MACF1: variants seen among roughly 807,000 people sequenced by gnomAD.
MACF1 encodes the protein microtubule-actin cross-linking factor 1.
Under a neutral mutation model 854.8 loss-of-function variants are expected in MACF1, and 193 were observed. That is an observed-to-expected ratio of 0.23 (90% confidence interval 0.20 to 0.25). The LOEUF (loss-of-function observed/expected upper bound fraction) is 0.25. Among genes scored for constraint, MACF1 ranks in the 10% least tolerant of loss-of-function variants. MACF1 has a pLI of 1.00. For missense variants in MACF1, 7,722 were observed against 8,929.1 expected, an observed-to-expected ratio of 0.86 and a Z score of 5.45; for synonymous variants, 3,185 against 3,226.7, an observed-to-expected ratio of 0.99 and a Z score of 0.44.
rs942774706 is a variant in MACF1 at position 39,385,355 on chromosome 1, A to T, written c.13849-79A>T. 8.7e-6 allele frequency: 13 copies of T among 1,490,272 alleles called. No homozygotes were observed. In the South Asian group the frequency reaches 1.5e-4, roughly 18 times the overall value. 92.3% of individuals were successfully genotyped at this position (1,490,272 alleles called of 1,614,324 possible). On this transcript the variant is annotated intron_variant, in intron 56 of 100. Transcript: ENST00000564288. ...AGTGCTGCGATTACAGGCATGAGCC[A>T]CTGTGCCTGGCCTGACACTGCTTTT...
intron 94 of MACF1, chr1:39,464,423 G>C (rs560818943): frequency 6.5e-6 from 1 of 153,060 alleles, no homozygotes; most frequent in African/African-American, 2.4e-5. Context: ...TCTACCCCAT[G>C]CTGCAGTCTC....
At chr1:39,120,780 C>T (rs1402790902) in intron 2 of MACF1, among the ~76,000 whole-genome samples, 3 of 130,680 alleles carry the variant, frequency 2.3e-5, no homozygotes, top group African/African-American at 5.8e-5. Flanking sequence ...GAAATAAGCA[C>T]ATCATGGAGA....
At chr1:39,435,830 G>A (rs1643961007) in intron 70 of MACF1, 69 bp downstream of exon 70, 2 of 1,383,930 alleles carry the variant, frequency 1.4e-6, no homozygotes, top group Non-Finnish European at 2.0e-6. Context: ...TCTGTATCAG[G>A]TATGTCTCTG....
At chr1:39,211,440 A>T (rs976255988) in intron 1 of MACF1, among the ~76,000 whole-genome samples, 2 of 152,252 alleles carry the variant, frequency 1.3e-5, no homozygotes, top group Admixed American at 6.5e-5. Context: ...TTTAAAAAAA[A>T]TTTCATATAT....
intron 2 of MACF1, among the ~76,000 whole-genome samples, chr1:39,119,467 T>C (rs1040352289): frequency 2.0e-5 from 3 of 152,182 alleles, no homozygotes; most frequent in African/African-American, 7.2e-5. Context: ...TTGTTTGAAC[T>C]TCCCAGCTGT....
intron 15 of MACF1, among the ~76,000 whole-genome samples, chr1:39,289,923 C>T (rs1475444019): frequency 6.6e-6 from 1 of 151,978 alleles, no homozygotes; most frequent in East Asian, 1.9e-4. Flanking sequence ...TGGTCTCGAA[C>T]TCCTGACCTC....
chr1:39,410,489 C>T (rs778801815), intron 58 of MACF1: 1 of 1,614,032 alleles, frequency 6.2e-7, no homozygotes, highest in Non-Finnish European at 8.5e-7. Flanking sequence ...AGCAATGGTA[C>T]ATTAGGAGCA....
intron 36 of MACF1, among the ~76,000 whole-genome samples, chr1:39,330,509 T>C (rs1373611265): frequency 6.6e-6 from 1 of 152,186 alleles, no homozygotes; most frequent in Non-Finnish European, 1.5e-5. Context: ...ATTCTCACTT[T>C]GGGGGAACTG....
chr1:39,239,478 A>T (rs549757076), intron 2 of MACF1, among the ~76,000 whole-genome samples: 13 of 152,386 alleles, frequency 8.5e-5, no homozygotes, highest in Admixed American at 5.2e-4. Flanking sequence ...TTTGTTAAGG[A>T]TATAAGCATC....
intron 49 of MACF1, among the ~76,000 whole-genome samples, chr1:39,364,115 AT>A (rs1467055791): frequency 6.6e-6 from 1 of 152,140 alleles, no homozygotes; most frequent in Non-Finnish European, 1.5e-5. Context: ...AAATTTCACC[AT>A]TTTGCATTCC....
chr1:39,272,724 A>G (rs1645348299), intron 6 of MACF1, among the ~76,000 whole-genome samples: 1 of 152,196 alleles, frequency 6.6e-6, no homozygotes, highest in Admixed American at 6.5e-5. Flanking sequence ...GCTTCTTGCT[A>G]GTGTAGGGTT....
chr1:39,450,304 ATT>A (rs558073532), intron 84 of MACF1, among the ~76,000 whole-genome samples: 2 of 149,076 alleles, frequency 1.3e-5, no homozygotes, highest in African/African-American at 2.5e-5. Context: ...CTGTACTCCA[ATT>A]TTTTTTTTTT....
At chr1:39,323,081 T>C in intron 33 of MACF1, 73 bp downstream of exon 33, 2 of 1,407,832 alleles carry the variant, frequency 1.4e-6, no homozygotes, top group Non-Finnish European at 2.0e-6. Flanking sequence ...GGTGTGTGCC[T>C]GTAGTCTCTG....
chr1:39,414,857 G>A (rs1643227507), intron 58 of MACF1, among the ~76,000 whole-genome samples: 1 of 152,202 alleles, frequency 6.6e-6, no homozygotes, highest in African/African-American at 2.4e-5. Flanking sequence ...CAACATTTAG[G>A]TAGAGGCCAG....
chr1:39,447,994 A>T (rs780624875), intron 82 of MACF1, 39 bp from the exon 83 acceptor site: 1 of 1,613,148 alleles, frequency 6.2e-7, no homozygotes, highest in African/African-American at 1.3e-5. Flanking sequence ...TATAGTGTGT[A>T]TATTCATTCC....
chr1:39,093,471 A>G (rs1023220699), intron 2 of MACF1, among the ~76,000 whole-genome samples: 1 of 142,442 alleles, frequency 7.0e-6, no homozygotes, highest in Non-Finnish European at 1.5e-5. Flanking sequence ...GCGCGCCACC[A>G]CGCCTGGCTA....
In MACF1 at chr1:39,105,747, C is replaced by G. The variant is rs890791378; in HGVS notation, c.220+21309C>G. On this transcript the variant is annotated intron_variant, in intron 2 of 93. Coordinates refer to the MACF1 transcript ENST00000361689. This position sits in a 1 kb window ranked among gnomAD's most constrained non-coding sequence, Gnocchi z 5.9. The stretch of plus-strand genomic sequence containing the variant: ...GGCCGGGGACTGGCCGGCGCTGAGG[C>G]CCGCGGGCCGGCGCAGCGTGGCCTT... 2.2e-5 allele frequency: 24 copies of G among 1,109,524 alleles called. No homozygotes were observed. In the Admixed American group the frequency reaches 3.6e-4, roughly 17 times the overall value. 68.7% of individuals were successfully genotyped at this position (1,109,524 alleles called of 1,614,324 possible). A position where few individuals can be genotyped will look rare whatever the true frequency, so the allele number is the denominator to read the frequency against.
At chr1:39,212,236 C>T (rs1016451983) in intron 1 of MACF1, among the ~76,000 whole-genome samples, 2 of 152,100 alleles carry the variant, frequency 1.3e-5, no homozygotes, top group South Asian at 2.1e-4. Flanking sequence ...GGGAATGGCT[C>T]GGATGACTCT....
intron 2 of MACF1, among the ~76,000 whole-genome samples, chr1:39,122,859 A>G (rs975610802): frequency 5.9e-5 from 9 of 152,008 alleles, no homozygotes; most frequent in Admixed American, 1.3e-4. Flanking sequence ...AGATCATCCA[A>G]GGTTAACATA....
Sources: gnomAD v4.1 joint callset for allele counts (sites outside exome capture counted in the v4.1 genomes callset) on GRCh38, gnomAD v4.1.1 for gene constraint, Gnocchi (gnomAD v3.1) non-coding constraint, MANE v1.5 for transcripts, NCBI Gene and HGNC (gene_info 2026-07-23, HGNC 2026-07-21) for gene names.